MAST4: variants seen among roughly 807,000 people sequenced by gnomAD.
MAST4 encodes microtubule-associated serine/threonine-protein kinase 4.
Under a neutral mutation model 162.7 loss-of-function variants are expected in MAST4, and 89 were observed. The ratio of observed to expected loss-of-function variants is 0.55; its 90% CI spans 0.46 to 0.65. The LOEUF is 0.65. MAST4 is among the 30% of genes least tolerant of loss of function. MAST4 has a pLI of 0.00. For missense variants in MAST4, 3,153 were observed against 3,374.0 expected, an observed-to-expected ratio of 0.93 and a Z score of 1.62; for synonymous variants, 1,479 against 1,361.1, an observed-to-expected ratio of 1.09 and a Z score of -1.91.
intron 1 of MAST4, among the ~76,000 whole-genome samples, chr5:66,608,960 C>G (rs1356504450): frequency 6.6e-6 from 1 of 151,716 alleles, no homozygotes; most frequent in Admixed American, 6.6e-5. Context: ...AATCTTAACA[C>G]TAGAAGATAT....
chr5:66,735,252 A>C (rs2149562058), intron 1 of MAST4, among the ~76,000 whole-genome samples: 1 of 152,328 alleles, frequency 6.6e-6, no homozygotes, highest in South Asian at 2.1e-4. Flanking sequence ...TTATATTCAG[A>C]ATTAATCATA....
intron 1 of MAST4, among the ~76,000 whole-genome samples, chr5:66,741,090 A>G (rs1410984332): frequency 6.6e-6 from 1 of 152,160 alleles, no homozygotes; most frequent in Non-Finnish European, 1.5e-5. Context: ...AACATACTGA[A>G]TGCACTCTGA....
chr5:67,085,455 A>G (rs1763136893), intron 5 of MAST4, among the ~76,000 whole-genome samples: 1 of 152,218 alleles, frequency 6.6e-6, no homozygotes, highest in Admixed American at 6.5e-5. Flanking sequence ...TATAGAGTAG[A>G]TGATTAGTAA....
chr5:66,611,424 C>G (rs1743280847), intron 1 of MAST4, among the ~76,000 whole-genome samples: 1 of 152,226 alleles, frequency 6.6e-6, no homozygotes, highest in Non-Finnish European at 1.5e-5. Flanking sequence ...CTCTCCTCTT[C>G]TCTGCTTCCT....
intron 4 of MAST4, among the ~76,000 whole-genome samples, chr5:66,950,100 T>G (rs930132730): frequency 5.9e-5 from 9 of 152,000 alleles, no homozygotes; most frequent in African/African-American, 2.2e-4. Context: ...TGCCACTACC[T>G]CACCCCACCC....
chr5:66,699,068 T>C (rs1267197643), intron 1 of MAST4, among the ~76,000 whole-genome samples: 1 of 152,180 alleles, frequency 6.6e-6, no homozygotes, highest in Non-Finnish European at 1.5e-5. Flanking sequence ...AGGATACTAG[T>C]TTACCACCTC....
chr5:66,756,717 A>T (rs1036552568), intron 1 of MAST4, among the ~76,000 whole-genome samples: 2 of 152,220 alleles, frequency 1.3e-5, no homozygotes, highest in Non-Finnish European at 2.9e-5. Flanking sequence ...AGCTTTGACT[A>T]ATTGTAGAAA....
rs552983511 is a variant in MAST4 at position 66,930,381 on chromosome 5, G to A, written c.674+30399G>A. On this transcript the variant is annotated intron_variant, in intron 4 of 28. Transcript: ENST00000403625. ...AGGTGAGTAGAAAACAGAAGTATGT[G>A]CTGATTATCTGGTAAGAAGTGTAGT... is the stretch of plus-strand genomic sequence containing the variant. 2.0e-5 allele frequency among the ~76,000 whole-genome samples: 3 copies of A among 152,286 alleles called. No individual in the cohort carries two copies. The East Asian group carries it at 5.8e-4, about 29-fold the overall frequency.
chr5:66,982,562 G>A (rs1172474979), intron 4 of MAST4, among the ~76,000 whole-genome samples: 2 of 151,994 alleles, frequency 1.3e-5, no homozygotes, highest in Admixed American at 6.6e-5. Context: ...TCAATAAAAA[G>A]CACTTAAAGA....
At chr5:66,620,400 A>G (rs1029602286) in intron 1 of MAST4, among the ~76,000 whole-genome samples, 1 of 152,190 alleles carries the variant, frequency 6.6e-6, no homozygotes, top group African/African-American at 2.4e-5. Flanking sequence ...GTTATGTAGT[A>G]CTTCTTTATT....
At chr5:66,781,405 A>G (rs749135405) in intron 2 of MAST4, among the ~76,000 whole-genome samples, 1 of 152,220 alleles carries the variant, frequency 6.6e-6, no homozygotes, top group Non-Finnish European at 1.5e-5. Context: ...ATAGGACAAG[A>G]GAACAAGGTT....
At chr5:67,092,747 A>T (rs1053010014) in intron 6 of MAST4, among the ~76,000 whole-genome samples, 5 of 152,164 alleles carry the variant, frequency 3.3e-5, no homozygotes, top group Admixed American at 3.3e-4. Context: ...TCCACAAGCA[A>T]ATTACTACAA....
chr5:66,609,436 C>G (rs1357441923), intron 1 of MAST4, among the ~76,000 whole-genome samples: 1 of 145,040 alleles, frequency 6.9e-6, no homozygotes, highest in African/African-American at 2.6e-5. Context: ...GTTTCCCAGA[C>G]TGAAGTGCAG....
intron 9 of MAST4, among the ~76,000 whole-genome samples, chr5:67,103,455 C>G (rs982338663): frequency 6.6e-6 from 1 of 152,154 alleles, no homozygotes; most frequent in African/African-American, 2.4e-5. Context: ...GTCACTTGCT[C>G]ACCAGGGAAA....
intron 1 of MAST4, among the ~76,000 whole-genome samples, chr5:66,615,903 C>T (rs962858498): frequency 1.3e-5 from 2 of 152,184 alleles, no homozygotes; most frequent in African/African-American, 4.8e-5. Context: ...TTTGCCTGCC[C>T]TCAGCAAGGT....
intron 1 of MAST4, among the ~76,000 whole-genome samples, chr5:66,666,364 T>C (rs1747257190): frequency 6.6e-6 from 1 of 152,220 alleles, no homozygotes; most frequent in Non-Finnish European, 1.5e-5. Context: ...TTGCTTCCCA[T>C]GTCATATCTG....
chr5:66,836,214 G>A (rs950660625), intron 3 of MAST4, among the ~76,000 whole-genome samples: 9 of 152,066 alleles, frequency 5.9e-5, no homozygotes, highest in Non-Finnish European at 7.4e-5. Context: ...TAATGATATG[G>A]GGAAAAGCTG....
intron 2 of MAST4, among the ~76,000 whole-genome samples, chr5:66,780,047 G>A: frequency 6.6e-6 from 1 of 152,050 alleles, no homozygotes; most frequent in East Asian, 1.9e-4. Flanking sequence ...AGGGATTGGG[G>A]GGCAGGCAGG....
chr5:66,714,030 A>C (rs1750661685), intron 1 of MAST4, among the ~76,000 whole-genome samples: 1 of 152,218 alleles, frequency 6.6e-6, no homozygotes, highest in African/African-American at 2.4e-5. Context: ...ACAGATAGGA[A>C]AGTTGAGACA....
Sources: allele counts gnomAD v4.1 joint callset (sites outside exome capture counted in the v4.1 genomes callset), GRCh38; gene constraint gnomAD v4.1.1; transcripts MANE v1.5; gene names NCBI Gene and HGNC (gene_info 2026-07-23, HGNC 2026-07-21).